The following TGFBR3 variants were observed in gnomAD, a reference collection of about 807,000 sequenced individuals.
TGFBR3 encodes the protein transforming growth factor beta receptor 3.
A neutral mutation model predicts 87.9 loss-of-function variants in TGFBR3; 46 were observed. The ratio of observed to expected loss-of-function variants is 0.52; its 90% CI spans 0.41 to 0.67. The LOEUF is 0.67. Ranked by LOEUF, TGFBR3 falls within the 30% of genes least tolerant of loss-of-function variation. TGFBR3 has a pLI of 0.00. For missense variants in TGFBR3, 866 were observed against 1,041.9 expected (o/e 0.83, Z 2.32); for synonymous variants, 381 against 391.6 (o/e 0.97, Z 0.32).
chr1:91,863,146 T>A (rs1048833094), intron 1 of TGFBR3, among the ~76,000 whole-genome samples: 11 of 152,326 alleles, frequency 7.2e-5, no homozygotes, highest in African/African-American at 2.6e-4. Context: ...CTGGGTTTTG[T>A]ATTAATACCA....
chr1:91,786,055 C>G (rs1030244051), intron 3 of TGFBR3: 19 of 372,770 alleles, frequency 5.1e-5, no homozygotes, highest in Admixed American at 2.8e-4. Flanking sequence ...TGAGCCACCA[C>G]AGCTGGCCTT....
intron 3 of TGFBR3, among the ~76,000 whole-genome samples, chr1:91,762,546 C>T (rs1674010294): frequency 6.6e-6 from 1 of 152,218 alleles, no homozygotes; most frequent in Admixed American, 6.5e-5. Context: ...GAAACCCGTA[C>T]TTTGACCACA....
chr1:91,857,852 T>G (rs1020196069), intron 2 of TGFBR3, among the ~76,000 whole-genome samples: 2 of 152,204 alleles, frequency 1.3e-5, no homozygotes, highest in African/African-American at 4.8e-5. Context: ...CTACTGTGCT[T>G]TGTACTCAGC....
chr1:91,897,788 T>C (rs1046580996), intron 2 of TGFBR3, among the ~76,000 whole-genome samples: 21 of 152,298 alleles, frequency 1.4e-4, no homozygotes, highest in Admixed American at 3.9e-4. Context: ...ATAAGAAATC[T>C]TCAAAAGACA....
chr1:91,751,283 T>C (rs1046552414), intron 4 of TGFBR3, among the ~76,000 whole-genome samples: 1 of 152,238 alleles, frequency 6.6e-6, no homozygotes, highest in Non-Finnish European at 1.5e-5. Flanking sequence ...AAAAGTTCCC[T>C]TCTCCACAAG....
At chr1:91,692,015 AAAAAG>A (rs987602982) in intron 16 of TGFBR3, among the ~76,000 whole-genome samples, 6 of 152,198 alleles carry the variant, frequency 3.9e-5, no homozygotes, top group African/African-American at 1.4e-4. Flanking sequence ...AAAAAAGAAA[AAAAAG>A]AAAAGAAAAT....
At chr1:91,794,918 T>C (rs951841378) in intron 3 of TGFBR3, among the ~76,000 whole-genome samples, 7 of 152,244 alleles carry the variant, frequency 4.6e-5, no homozygotes, top group African/African-American at 1.7e-4. Context: ...TGCTGGGTCA[T>C]GTGGTTCAAA....
chr1:91,717,020 A>G (rs1383847621), intron 10 of TGFBR3, among the ~76,000 whole-genome samples: 4 of 152,198 alleles, frequency 2.6e-5, no homozygotes. Context: ...AAAACACTAG[A>G]TACTAGAATG....
chr1:91,795,921 A>C (rs1216304875), intron 3 of TGFBR3, among the ~76,000 whole-genome samples: 1 of 152,230 alleles, frequency 6.6e-6, no homozygotes, highest in African/African-American at 2.4e-5. Context: ...GCACACGTTC[A>C]TGAGATTAAA....
At chr1:91,891,603 C>T (rs1276577724) in intron 2 of TGFBR3, among the ~76,000 whole-genome samples, 1 of 152,080 alleles carries the variant, frequency 6.6e-6, no homozygotes, top group Non-Finnish European at 1.5e-5. Context: ...AAAATAGATT[C>T]CTTTCACTAA....
intron 14 of TGFBR3, among the ~76,000 whole-genome samples, chr1:91,707,886 C>CT (rs923088228): frequency 2.0e-5 from 3 of 152,190 alleles, no homozygotes; most frequent in Non-Finnish European, 4.4e-5. Context: ...GATGCGGGTC[C>CT]TTGTCAGATG....
chr1:91,696,917 T>C (rs577410600), intron 15 of TGFBR3, among the ~76,000 whole-genome samples: 1 of 152,286 alleles, frequency 6.6e-6, no homozygotes, highest in African/African-American at 2.4e-5. Context: ...GAAAGTATGC[T>C]GTGGTGGAAC....
chr1:91,785,735 G>C (rs1674932640), intron 3 of TGFBR3, among the ~76,000 whole-genome samples: 1 of 151,382 alleles, frequency 6.6e-6, no homozygotes, highest in Non-Finnish European at 1.5e-5. Flanking sequence ...CACTTCCAGA[G>C]AGAATGAACA....
rs535647246 is a variant in TGFBR3, at chr1:91,708,754, C to A, written c.2196G>T (p.Ser732=). The A allele has an allele frequency of 1.2e-6, 2 of 1,613,980 alleles. No individual in the cohort carries two copies. The highest frequency in any genetic ancestry group is 1.3e-5 in the African/African-American group (1 of 74,998). ...KCVPPDEACT[S]LDASIIWAMM... Reference sequence around the variant, plus strand: ...TGGCCCAGATTATCGAGGCGTCCAGCGAGGTGCAGGCTTCGTCAGGAGGCA... The same window carrying A: ...TGGCCCAGATTATCGAGGCGTCCAGAGAGGTGCAGGCTTCGTCAGGAGGCA... The change falls in exon 14 of 17, where the codon TCG becomes TCT. Residue 732 remains serine (S), a synonymous_variant. Transcript: ENST00000212355.
At chr1:91,870,574 C>A (rs1678544102) in intron 1 of TGFBR3, among the ~76,000 whole-genome samples, 1 of 152,184 alleles carries the variant, frequency 6.6e-6, no homozygotes, top group African/African-American at 2.4e-5. Flanking sequence ...CTTCTGAACC[C>A]ACAAAATGTC....
At chr1:91,873,701 C>T (rs1380826478) in intron 1 of TGFBR3, among the ~76,000 whole-genome samples, 2 of 152,134 alleles carry the variant, frequency 1.3e-5, no homozygotes, top group Non-Finnish European at 2.9e-5. Flanking sequence ...AATCCCAGCA[C>T]TTTGGGAGGC....
At chr1:91,898,322 G>T (rs12725483) in intron 2 of TGFBR3, among the ~76,000 whole-genome samples, 49,800 of 152,058 alleles carry the variant, frequency 0.33, 9,420 homozygotes, top group Admixed American at 0.44. Flanking sequence ...GTCCATTTAA[G>T]AATGTTCCAT....
intron 13 of TGFBR3, among the ~76,000 whole-genome samples, chr1:91,710,727 G>T (rs903386534): frequency 5.9e-5 from 9 of 152,184 alleles, no homozygotes; most frequent in Non-Finnish European, 1.0e-4. Flanking sequence ...CAGGAGGGAA[G>T]CCAGGTATGA....
intron 16 of TGFBR3, among the ~76,000 whole-genome samples, chr1:91,691,550 TGAG>T (rs1671265588): frequency 6.6e-6 from 1 of 152,204 alleles, no homozygotes; most frequent in South Asian, 2.1e-4. Context: ...TTCTGTTAAA[TGAG>T]GATATTTTCA....
Sources: gnomAD v4.1 joint callset for allele counts (sites outside exome capture counted in the v4.1 genomes callset) on GRCh38, gnomAD v4.1.1 for gene constraint, MANE v1.5 for transcripts, NCBI Gene and HGNC (gene_info 2026-07-23, HGNC 2026-07-21) for gene names.